The following CNOT1 variants were observed in gnomAD, a reference collection of about 807,000 sequenced individuals.
CNOT1 encodes CCR4-NOT transcription complex subunit 1.
CNOT1 carries 15 observed loss-of-function variants against 273.8 expected under a neutral mutation model. That is an observed-to-expected ratio of 0.05 (90% CI 0.04 to 0.08). The LOEUF is 0.08. Ranked by LOEUF, CNOT1 falls within the 10% of genes least tolerant of loss-of-function variation. The probability of loss-of-function intolerance (pLI) is 1.00; values close to 1 mark genes in which losing one functional copy is unlikely to be tolerated. For missense variants in CNOT1, 1,644 were observed against 2,912.2 expected, an observed-to-expected ratio of 0.56 and a Z score of 10.02; for synonymous variants, 1,022 against 1,005.5, an observed-to-expected ratio of 1.02 and a Z score of -0.31.
At chr16:58,572,978 A>G (rs1001310921) in intron 16 of CNOT1, among the ~76,000 whole-genome samples, 2 of 151,638 alleles carry the variant, frequency 1.3e-5, no homozygotes, top group Non-Finnish European at 2.9e-5. Context: ...AAATCAGTAC[A>G]AGATGTACAC....
intron 1 of CNOT1, among the ~76,000 whole-genome samples, chr16:58,608,724 C>T (rs1045748302): frequency 2.0e-5 from 3 of 152,136 alleles, no homozygotes; most frequent in African/African-American, 7.2e-5. Flanking sequence ...AATGCCCATC[C>T]ATCAACGAGT....
intron 2 of CNOT1, 61 bp downstream of exon 2, chr16:58,599,174 GT>G: frequency 6.2e-7 from 1 of 1,606,802 alleles, no homozygotes; most frequent in South Asian, 1.1e-5. Flanking sequence ...TAAATGTGTG[GT>G]TTTCTTTCCA....
At chr16:58,585,246 T>C (rs961560077) in intron 8 of CNOT1, 92 bp downstream of exon 8, 2 of 1,555,714 alleles carry the variant, frequency 1.3e-6, no homozygotes, top group African/African-American at 1.4e-5. Flanking sequence ...GAAAAGATGA[T>C]TAACTTTAAG....
rs1001793446 is a variant in CNOT1 at position 58,547,353 on chromosome 16, CAA to C, written c.3640-59_3640-58del. On this transcript the variant is annotated intron_variant, in intron 26 of 48. Transcript: ENST00000317147. The surrounding 1 kb of genome is among the most constrained non-coding windows in gnomAD (Gnocchi z 4.0). ...GAATATACCCCCCAAAATGGTATAA[CAA>C]AACCAAAGAAAAGTATTTTGCCAAG... 1.6e-5 allele frequency: 26 copies of C among 1,593,394 alleles called. No individual in the cohort carries two copies. The highest frequency in any genetic ancestry group is 2.1e-5 in the Non-Finnish European group (25 of 1,169,876).
At chr16:58,619,944 T>C (rs1399806002) in intron 1 of CNOT1, among the ~76,000 whole-genome samples, 2 of 152,170 alleles carry the variant, frequency 1.3e-5, no homozygotes, top group Non-Finnish European at 2.9e-5. Context: ...GTCATGATAT[T>C]CTAAAATCCA....
At chr16:58,605,266 G>T (rs1052938009) in intron 1 of CNOT1, among the ~76,000 whole-genome samples, 31 of 152,274 alleles carry the variant, frequency 2.0e-4, no homozygotes, top group African/African-American at 7.0e-4. Context: ...ACTTTGGGAG[G>T]CTGAGGCGGG....
chr16:58,557,480 TAATC>T (rs2040669864), intron 18 of CNOT1, among the ~76,000 whole-genome samples: 1 of 152,154 alleles, frequency 6.6e-6, no homozygotes, highest in Admixed American at 6.5e-5. Context: ...TTAAATGAAT[TAATC>T]AAAGCTAGAA....
At chr16:58,592,522 G>A (rs765060272) in intron 2 of CNOT1, among the ~76,000 whole-genome samples, 10 of 152,064 alleles carry the variant, frequency 6.6e-5, no homozygotes, top group Non-Finnish European at 1.0e-4. Context: ...AGGTTGCAGC[G>A]TGCCATGAAT....
chr16:58,622,181 G>A (rs2043356969), intron 1 of CNOT1, among the ~76,000 whole-genome samples: 1 of 151,066 alleles, frequency 6.6e-6, no homozygotes, highest in South Asian at 2.1e-4. Context: ...AGGCGTGGTG[G>A]TGGGCGCCTG....
chr16:58,588,090 G>A lies in CNOT1; in HGVS notation c.211-212C>T, dbSNP rs572653198. Among the ~76,000 whole-genome samples the A allele has an allele frequency of 1.1e-4, 16 of 152,276 alleles. 1 individual carries two copies. In the South Asian group the frequency reaches 2.1e-3, roughly 20 times the overall value. ...AATGCAGGTGGATCACCTGAGGCCA[G>A]GAGTTCAACACCTGCCTGGCCAACA... On this transcript the variant is annotated intron_variant, in intron 3 of 48. Transcript: ENST00000317147.
In CNOT1 at chr16:58,611,795, TG is replaced by T. The variant is rs372901747; in HGVS notation, c.-174-12285del. Among the ~76,000 whole-genome samples the T allele has an allele frequency of 2.7e-3, 401 of 148,454 alleles. 2 individuals are homozygous for T. The highest frequency in any genetic ancestry group is 9.4e-3 in the African/African-American group (377 of 40,198). On this transcript the variant is annotated intron_variant, in intron 1 of 48. Transcript: ENST00000317147. The stretch of plus-strand genomic sequence containing the variant: ...GAGATCACGCCACTGCACTCCAGCC[TG>T]GAAGACAGAACGAGACTCTGTCTCA...
intron 40 of CNOT1, chr16:58,532,649 GTTC>G (rs1326687618): frequency 1.0e-5 from 5 of 478,034 alleles, no homozygotes; most frequent in Non-Finnish European, 1.8e-5. Context: ...ATGCCCAATG[GTTC>G]TTCTTCAGCT....
At chr16:58,601,807 C>A (rs192239253) in intron 1 of CNOT1, among the ~76,000 whole-genome samples, 133 of 139,314 alleles carry the variant, frequency 9.5e-4, no homozygotes, top group African/African-American at 3.5e-3. Context: ...GAGGCTGAGG[C>A]AGGAGGATCG....
intron 25 of CNOT1, among the ~76,000 whole-genome samples, chr16:58,549,225 T>G (rs1567400154): frequency 6.8e-6 from 1 of 148,020 alleles, no homozygotes; most frequent in Non-Finnish European, 1.5e-5. Flanking sequence ...AGGTGGAGGC[T>G]GCAGTGAGCC....
rs754865036 is a variant in CNOT1, at chr16:58,547,139, G to C, written c.3750+47C>G. On this transcript the variant is annotated intron_variant, in intron 27 of 48. Coordinates refer to ENST00000317147, the MANE Select transcript of CNOT1 (RefSeq NM_016284.5). This position sits in a 1 kb window ranked among gnomAD's most constrained non-coding sequence, Gnocchi z 4.0. ...TCTCTTGACCTCATGCTAAAACAAA[G>C]CAATGCTTAGAAATTAGTCATAAAT... 2.5e-6 allele frequency: 4 copies of C among 1,585,476 alleles called. No homozygotes were observed. In the Admixed American group the frequency reaches 7.1e-5, roughly 28 times the overall value.
rs2040717024 is a variant in CNOT1, at chr16:58,558,525, G to A, written c.2280C>T (p.Pro760=). The change falls in exon 18 of 49, where the codon CCC becomes CCT. Residue 760 remains proline (P), a synonymous_variant. Coordinates refer to ENST00000317147, the MANE Select transcript of CNOT1 (RefSeq NM_016284.5). The stretch of plus-strand genomic sequence containing the variant: ...TACCACTGAATGCAGTGGTCTGATT[G>A]GGGGTTGAAAGGGGTGGAAATGCTT... ...PAKAFPPLST[P]NQTTAFSGIG... 1.2e-6 allele frequency: 2 copies of A among 1,613,646 alleles called. No individual in the cohort carries two copies. Among genetic ancestry groups the A allele is most frequent in the African/African-American group, 1.3e-5 (1 of 74,884 alleles).
At chr16:58,623,706 C>T (rs1002963068) in intron 1 of CNOT1, among the ~76,000 whole-genome samples, 1 of 152,016 alleles carries the variant, frequency 6.6e-6, no homozygotes, top group East Asian at 1.9e-4. Flanking sequence ...AAGTGTTGGC[C>T]GGGTACAGTG....
chr16:58,543,536 A>G, intron 31 of CNOT1, 71 bp downstream of exon 31: 1 of 1,609,088 alleles, frequency 6.2e-7, no homozygotes, highest in Non-Finnish European at 8.5e-7. Context: ...CCATATATAG[A>G]CAAAGAAAAA....
Position 58,525,978 on chromosome 16 carries a change from A to G in CNOT1, c.6603+11T>C, listed in dbSNP as rs1457017481. ...GAAGACGTAGATGAGTTTTAAGCCAAACCAATTAACCTGTAGGTTGCTGCG... is the reference window on the plus strand; with the variant it reads ...GAAGACGTAGATGAGTTTTAAGCCAGACCAATTAACCTGTAGGTTGCTGCG... On this transcript the variant is annotated intron_variant, in intron 45 of 48. Coordinates refer to ENST00000317147, the MANE Select transcript of CNOT1 (RefSeq NM_016284.5). 2 of 1,612,936 alleles carry G rather than the reference A, an allele frequency of 1.2e-6. No individual in the cohort carries two copies. The highest frequency in any genetic ancestry group is 1.3e-5 in the African/African-American group (1 of 74,922).
Sources: allele counts gnomAD v4.1 joint callset (sites outside exome capture counted in the v4.1 genomes callset), GRCh38; gene constraint gnomAD v4.1.1; non-coding constraint Gnocchi (gnomAD v3.1); transcripts MANE v1.5; gene names NCBI Gene and HGNC (gene_info 2026-07-23, HGNC 2026-07-21).